EPB41L1: variants seen among roughly 807,000 people sequenced by gnomAD.
The protein encoded by EPB41L1 is erythrocyte membrane protein band 4.1 like 1, also known as band 4.1-like protein 1.
A neutral mutation model predicts 97.8 loss-of-function variants in EPB41L1; 29 were observed. That is an observed-to-expected ratio of 0.30 (90% CI 0.22 to 0.40). The LOEUF (loss-of-function observed/expected upper bound fraction) is 0.40. Ranked by LOEUF, EPB41L1 falls within the 10% of genes least tolerant of loss-of-function variation. The pLI, the probability that EPB41L1 is intolerant of heterozygous loss-of-function variation, is 1.00. For missense variants in EPB41L1, 812 were observed against 1,162.3 expected, an observed-to-expected ratio of 0.70 and a Z score of 4.38; for synonymous variants, 383 against 459.2, an observed-to-expected ratio of 0.83 and a Z score of 2.12.
In EPB41L1 at chr20:36,207,351, G is replaced by A. The variant is rs1338936229; in HGVS notation, c.1669-2137G>A. Reference sequence around the variant, plus strand: ...AAGCTGAGGGGCGCATACCTCTGGGGTTTGGGTTCCCTTCAGGGAAGCGAA... The same window carrying A: ...AAGCTGAGGGGCGCATACCTCTGGGATTTGGGTTCCCTTCAGGGAAGCGAA... On this transcript the variant is annotated intron_variant, in intron 14 of 21. Transcript: ENST00000338074. This position sits in a 1 kb window ranked among gnomAD's most constrained non-coding sequence, Gnocchi z 4.9. 7.8e-7 allele frequency: 1 copy of A among 1,288,574 alleles called. No individual in the cohort carries two copies. The allele number at this position is 1,288,574 out of a possible 1,614,324, so 79.8% of individuals were successfully genotyped here. A position where few individuals can be genotyped will look rare whatever the true frequency, so the allele number is the denominator to read the frequency against.
chr20:36,141,532 A>T (rs1479209826), intron 2 of EPB41L1, among the ~76,000 whole-genome samples: 1 of 152,186 alleles, frequency 6.6e-6, no homozygotes, highest in African/African-American at 2.4e-5. Context: ...AAAGCCAGAG[A>T]GGCAGCCCAA....
Position 36,190,171 on chromosome 20 carries a change from G to C in EPB41L1, c.1027-106G>C. 2 of 918,100 alleles carry C rather than the reference G, an allele frequency of 2.2e-6. No homozygotes were observed. The highest frequency in any genetic ancestry group is 3.5e-6 in the Non-Finnish European group (2 of 572,586). 56.9% of individuals were successfully genotyped at this position (918,100 alleles called of 1,614,324 possible). On this transcript the variant is annotated intron_variant, in intron 9 of 21. Coordinates refer to ENST00000338074, the MANE Select transcript of EPB41L1 (RefSeq NM_012156.2). The surrounding 1 kb of genome is among the most constrained non-coding windows in gnomAD (Gnocchi z 5.8). ...ACCCTGGGCAAATGATCGAGACCCT[G>C]TGTCTCAAAAAAACATTAAACAAAT...
intron 2 of EPB41L1, among the ~76,000 whole-genome samples, chr20:36,139,206 G>A (rs556667383): frequency 4.4e-4 from 67 of 152,310 alleles, no homozygotes; most frequent in Non-Finnish European, 7.5e-4. Flanking sequence ...GGCCAACGAG[G>A]ATTCTCTTGG....
chr20:36,096,291 C>T (rs1473437153), intron 1 of EPB41L1, among the ~76,000 whole-genome samples: 1 of 152,178 alleles, frequency 6.6e-6, no homozygotes, highest in Non-Finnish European at 1.5e-5. Flanking sequence ...TTTCAAGTCC[C>T]AGGTCTTATG....
At chr20:36,155,418 C>A (rs1419538824) in intron 1 of EPB41L1, among the ~76,000 whole-genome samples, 1 of 152,162 alleles carries the variant, frequency 6.6e-6, no homozygotes, top group Non-Finnish European at 1.5e-5. Context: ...CCTAGGACTT[C>A]TGCAGTTCTG....
chr20:36,183,923 T>C (rs868403160), intron 6 of EPB41L1, among the ~76,000 whole-genome samples: 5 of 152,200 alleles, frequency 3.3e-5, no homozygotes, highest in African/African-American at 1.2e-4. Flanking sequence ...GTAAGAATTA[T>C]TTTAAGTAAA....
At position 36,190,443 on chromosome 20, in the gene EPB41L1, A is replaced by G; in HGVS notation, c.1124+69A>G. The G allele has an allele frequency of 6.4e-7, 1 of 1,558,838 alleles. No homozygotes were observed. The highest frequency in any genetic ancestry group is 8.8e-7 in the Non-Finnish European group (1 of 1,137,674). ...CATGTGTATGGAGGGGAGCAGGGGG[A>G]GGAGTTAGTGAGAACTCTAGGAAAG... On this transcript the variant is annotated intron_variant, in intron 10 of 21. Transcript: ENST00000338074. The surrounding 1 kb of genome is among the most constrained non-coding windows in gnomAD (Gnocchi z 5.8).
At chr20:36,155,285 G>A (rs898952544) in intron 1 of EPB41L1, 1 of 418,674 alleles carries the variant, frequency 2.4e-6, no homozygotes, top group South Asian at 1.7e-5. Flanking sequence ...TGGAGCCTGG[G>A]ATGCTGGCGA....
At chr20:36,221,775 C>A in intron 19 of EPB41L1, 89 bp from the exon 20 acceptor site, 3 of 1,112,314 alleles carry the variant, frequency 2.7e-6, no homozygotes, top group Non-Finnish European at 4.1e-6. Flanking sequence ...CTCAGCCCTG[C>A]CCTCGAGAGA....
chr20:36,202,317 A>G (rs2062540990), intron 14 of EPB41L1, among the ~76,000 whole-genome samples: 1 of 152,236 alleles, frequency 6.6e-6, no homozygotes, highest in Non-Finnish European at 1.5e-5. Flanking sequence ...CTGCCTTTTC[A>G]AATTAGCAGC....
rs181468195 is a variant in EPB41L1, at chr20:36,206,897, G to T, written c.1669-2591G>T. The T allele has an allele frequency of 1.6e-6, 2 of 1,289,918 alleles. No individual in the cohort carries two copies. The highest frequency in any genetic ancestry group is 2.0e-6 in the Non-Finnish European group (2 of 988,892). 79.9% of individuals were successfully genotyped at this position (1,289,918 alleles called of 1,614,324 possible). On this transcript the variant is annotated intron_variant, in intron 14 of 21. Coordinates refer to ENST00000338074, the MANE Select transcript of EPB41L1 (RefSeq NM_012156.2). The surrounding 1 kb of genome is among the most constrained non-coding windows in gnomAD (Gnocchi z 5.5). ...AAGCACCCTCCTCACAGAGGACAGG[G>T]CGTGCATCCCGACCCCCAGGCCTGC...
chr20:36,222,306 A>G lies in EPB41L1; in HGVS notation c.2549A>G (p.Lys850Arg). ...CTGGCTTTGGCCATCAAGGAGGCCAAACTGCAGCATCCTGATATGCTGGTA... is the reference window on the plus strand; with the variant it reads ...CTGGCTTTGGCCATCAAGGAGGCCAGACTGCAGCATCCTGATATGCTGGTA... The part of the protein sequence containing the change: ...QALALAIKEA[K>R]LQHPDMLVTK... The change falls in exon 21 of 22, where the codon AAA becomes AGA. Residue 850 changes from lysine to arginine, a missense_variant. This residue lies in a region of EPB41L1 where 498 missense variants were observed against 622.7 expected (regional missense o/e 0.80). Transcript: ENST00000338074. 6.2e-7 allele frequency: 1 copy of G among 1,614,198 alleles called. No individual in the cohort carries two copies. Among genetic ancestry groups the G allele is most frequent in the Non-Finnish European group, 8.5e-7 (1 of 1,180,034 alleles).
chr20:36,100,011 A>G (rs1261740341), intron 1 of EPB41L1, among the ~76,000 whole-genome samples: 1 of 152,218 alleles, frequency 6.6e-6, no homozygotes, highest in African/African-American at 2.4e-5. Flanking sequence ...GGCTATGGCC[A>G]TCTCTGCCTA....
chr20:36,094,414 G>A (rs2147446122), intron 1 of EPB41L1, among the ~76,000 whole-genome samples: 1 of 152,294 alleles, frequency 6.6e-6, no homozygotes, highest in South Asian at 2.1e-4. Context: ...CTGAAATGTA[G>A]GTAGGTTGGA....
intron 1 of EPB41L1, among the ~76,000 whole-genome samples, chr20:36,098,058 A>G (rs1471762086): frequency 1.3e-5 from 2 of 152,206 alleles, no homozygotes; most frequent in Non-Finnish European, 2.9e-5. Flanking sequence ...AGAGGCTGCT[A>G]AACAAGCTCA....
At position 36,173,869 on chromosome 20, in the gene EPB41L1, C is replaced by A; in HGVS notation, c.92C>A (p.Pro31His). The change falls in exon 2 of 22, where the codon CCT becomes CAT. Residue 31 changes from proline (P) to histidine (H), a missense_variant. Physicochemically the swap from Pro to His is moderately conservative, Grantham distance 77. This residue lies in a region of EPB41L1 where 84 missense variants were observed against 94.3 expected (regional missense o/e 0.89). Transcript: ENST00000338074. ...QPEAAAAVTT[P>H]VTPAGHGHPE... ...GAGGCTGCTGCCGCTGTGACCACCC[C>A]TGTGACCCCTGCAGGCCACGGCCAC... The A allele has an allele frequency of 6.2e-7, 1 of 1,614,036 alleles. No individual in the cohort carries two copies. Among genetic ancestry groups the A allele is most frequent in the Non-Finnish European group, 8.5e-7 (1 of 1,179,936 alleles).
Position 36,207,931 on chromosome 20 carries a change from TA to T in EPB41L1, c.1669-1554del, listed in dbSNP as rs1420978628. The stretch of plus-strand genomic sequence containing the variant: ...TATCCATCCCTGTGAGTTTTTTCCC[TA>T]AACGGGCCTGGGTGTAGCTCAGGCT... On this transcript the variant is annotated intron_variant, in intron 14 of 21. Coordinates refer to ENST00000338074, the MANE Select transcript of EPB41L1 (RefSeq NM_012156.2). This position sits in a 1 kb window ranked among gnomAD's most constrained non-coding sequence, Gnocchi z 4.9. 1.3e-5 allele frequency among the ~76,000 whole-genome samples: 2 copies of T among 152,228 alleles called. No homozygotes were observed. The highest frequency in any genetic ancestry group is 4.8e-5 in the African/African-American group (2 of 41,456).
chr20:36,131,042 C>T (rs1443623798), intron 2 of EPB41L1, among the ~76,000 whole-genome samples: 3 of 149,842 alleles, frequency 2.0e-5, no homozygotes, highest in African/African-American at 7.4e-5. Flanking sequence ...ATGGCTCAAT[C>T]TTGGCTCACT....
At chr20:36,101,965 A>C (rs560014978) in intron 1 of EPB41L1, among the ~76,000 whole-genome samples, 8 of 152,176 alleles carry the variant, frequency 5.3e-5, no homozygotes, top group African/African-American at 1.9e-4. Context: ...AGATCACACC[A>C]TTGCACTCCA....
Sources: gnomAD v4.1 joint callset for allele counts (sites outside exome capture counted in the v4.1 genomes callset) on GRCh38, gnomAD v4.1.1 for gene constraint, gnomAD v4.1.1 regional missense constraint, Gnocchi (gnomAD v3.1) non-coding constraint, MANE v1.5 for transcripts, NCBI Gene and HGNC (gene_info 2026-07-23, HGNC 2026-07-21) for gene names.